The following CPEB3 variants were observed in gnomAD, a reference collection of about 807,000 sequenced individuals.
The protein encoded by CPEB3 is cytoplasmic polyadenylation element-binding protein 3.
In CPEB3, 20 loss-of-function variants were observed where a neutral mutation model predicts 67.2. The observed-to-expected ratio is 0.30, with a 90% CI of 0.21 to 0.43. CPEB3 has a LOEUF of 0.43. Ranked by LOEUF, CPEB3 falls within the 20% of genes least tolerant of loss-of-function variation. CPEB3 has a pLI of 1.00. For missense variants in CPEB3, 746 were observed against 968.6 expected (o/e 0.77, Z 3.05); for synonymous variants, 376 against 393.1 (o/e 0.96, Z 0.51).
Position 92,061,880 on chromosome 10 carries a change from A to C in CPEB3, c.1870-9441T>G, listed in dbSNP as rs576188647. 9.8e-4 allele frequency among the ~76,000 whole-genome samples: 150 copies of C among 152,348 alleles called. 1 individual carries two copies. The Middle Eastern group carries it at 0.02, about 21-fold the overall frequency. On this transcript the variant is annotated intron_variant, in intron 9 of 9. Transcript: ENST00000265997. ...AAATGTTTGAGGGGATGGATACCCC[A>C]TTCTCCATGATGTGCTTATTTCACA...
chr10:92,258,831 G>A (rs1852660610), intron 1 of CPEB3, among the ~76,000 whole-genome samples: 1 of 150,898 alleles, frequency 6.6e-6, no homozygotes, highest in East Asian at 2.0e-4. Flanking sequence ...TAATTTTTTT[G>A]TATTTTTAGT....
chr10:92,234,173 A>AT (rs1044083941), intron 2 of CPEB3, among the ~76,000 whole-genome samples: 7 of 150,538 alleles, frequency 4.6e-5, no homozygotes, highest in African/African-American at 7.3e-5. Context: ...GAATAATTTG[A>AT]TTTTTTTTTC....
intron 9 of CPEB3, among the ~76,000 whole-genome samples, chr10:92,062,647 C>G (rs1327155444): frequency 6.6e-6 from 1 of 152,222 alleles, no homozygotes; most frequent in Non-Finnish European, 1.5e-5. Flanking sequence ...CCCATCTATA[C>G]TATTACCTAA....
chr10:92,248,686 C>T (rs1010816967), intron 1 of CPEB3, among the ~76,000 whole-genome samples: 3 of 151,994 alleles, frequency 2.0e-5, no homozygotes, highest in Admixed American at 6.6e-5. Context: ...AATAGAAAAC[C>T]ATTTTGGCTT....
chr10:92,063,705 A>T (rs1169769807), intron 9 of CPEB3, among the ~76,000 whole-genome samples: 1 of 152,006 alleles, frequency 6.6e-6, no homozygotes, highest in Non-Finnish European at 1.5e-5. Flanking sequence ...CAGAGGTTGC[A>T]GTGAGCCAAG....
intron 3 of CPEB3, among the ~76,000 whole-genome samples, chr10:92,191,662 A>T (rs1848992401): frequency 6.6e-6 from 1 of 152,224 alleles, no homozygotes; most frequent in Non-Finnish European, 1.5e-5. Context: ...ATAATGGTTC[A>T]TACAAGATGG....
intron 8 of CPEB3, among the ~76,000 whole-genome samples, chr10:92,088,416 A>G (rs542606342): frequency 3.6e-4 from 54 of 152,066 alleles, no homozygotes; most frequent in Non-Finnish European, 6.0e-4. Flanking sequence ...TTGTAGAGAC[A>G]GGGTTTCACC....
rs552602288 is a variant in CPEB3 at position 92,120,679 on chromosome 10, G to A, written c.1454-9485C>T. 3.3e-5 allele frequency among the ~76,000 whole-genome samples: 5 copies of A among 152,262 alleles called. No individual in the cohort carries two copies. In the East Asian group the frequency reaches 9.6e-4, roughly 29 times the overall value. The stretch of plus-strand genomic sequence containing the variant: ...TTCTTGTTCTCAGGAGATATGTGCT[G>A]AAATATTTAGGAATGAGAGTCTACA... On this transcript the variant is annotated intron_variant, in intron 6 of 9. Coordinates refer to ENST00000265997, the MANE Select transcript of CPEB3 (RefSeq NM_014912.5).
intron 8 of CPEB3, among the ~76,000 whole-genome samples, chr10:92,091,462 TA>T (rs539990313): frequency 2.0e-4 from 29 of 145,460 alleles, no homozygotes; most frequent in African/African-American, 1.5e-4. Context: ...GAAAGGAACT[TA>T]AAAAAAAAAA....
chr10:92,216,715 G>A, intron 2 of CPEB3: 1 of 1,606,570 alleles, frequency 6.2e-7, no homozygotes, highest in East Asian at 2.2e-5. Context: ...GTGTGATAAT[G>A]GTCAAGCCCC....
chr10:92,090,243 A>G (rs1443441762), intron 8 of CPEB3, among the ~76,000 whole-genome samples: 1 of 152,240 alleles, frequency 6.6e-6, no homozygotes, highest in Non-Finnish European at 1.5e-5. Flanking sequence ...GGGCTAGAAC[A>G]TAAAAACTAA....
chr10:92,093,442 T>C (rs1843707759), intron 7 of CPEB3, among the ~76,000 whole-genome samples: 1 of 152,154 alleles, frequency 6.6e-6, no homozygotes, highest in Admixed American at 6.5e-5. Context: ...CTGTGGCAAT[T>C]ATACTTTCAA....
intron 3 of CPEB3, among the ~76,000 whole-genome samples, chr10:92,190,127 A>T (rs1265668310): frequency 1.3e-5 from 2 of 151,878 alleles, no homozygotes; most frequent in African/African-American, 2.4e-5. Flanking sequence ...AAAATACAAA[A>T]ATTAGCTGGT....
chr10:92,207,191 C>G (rs1031502103), intron 2 of CPEB3, among the ~76,000 whole-genome samples: 1 of 152,120 alleles, frequency 6.6e-6, no homozygotes, highest in African/African-American at 2.4e-5. Context: ...CCATGTTGCT[C>G]AGGCTGGTCT....
chr10:92,112,126 C>CTTTTTTT (rs201432910), intron 6 of CPEB3, among the ~76,000 whole-genome samples: 15 of 122,060 alleles, frequency 1.2e-4, no homozygotes, highest in South Asian at 6.5e-4. Flanking sequence ...GACCACGTTC[C>CTTTTTTT]TTTTTTTTTT....
rs145181741 is a variant in CPEB3 at position 92,184,226 on chromosome 10, T to C, written c.1166-3207A>G. 2.3e-3 allele frequency among the ~76,000 whole-genome samples: 349 copies of C among 152,334 alleles called. 1 individual carries two copies. Among genetic ancestry groups the C allele is most frequent in the African/African-American group, 7.3e-3 (304 of 41,586 alleles). On this transcript the variant is annotated intron_variant, in intron 3 of 9. Coordinates refer to ENST00000265997, the MANE Select transcript of CPEB3 (RefSeq NM_014912.5). Reference sequence around the variant, plus strand: ...TAATTGGTGAAAAGCAGAACACTTTTTACCTTTCTTGGTATTCTCTCTAAT... The same window carrying C: ...TAATTGGTGAAAAGCAGAACACTTTCTACCTTTCTTGGTATTCTCTCTAAT...
At chr10:92,129,963 G>A (rs910976378) in intron 6 of CPEB3, among the ~76,000 whole-genome samples, 1 of 152,084 alleles carries the variant, frequency 6.6e-6, no homozygotes, top group African/African-American at 2.4e-5. Context: ...CTTGAGCCCT[G>A]GAAGTCAAGG....
Position 92,050,797 on chromosome 10 carries a change from T to C in CPEB3, c.*1415A>G, listed in dbSNP as rs1374558742. ...TTGTCAATCTGACAACTTATCTCTA[T>C]ATCCTGTATATATTCTTAGTGTTTG... On this transcript the variant is annotated 3_prime_UTR_variant, in exon 10 of 10. Transcript: ENST00000265997. The C allele has an allele frequency of 3.3e-5, 5 of 152,686 alleles. No homozygotes were observed. Among genetic ancestry groups the C allele is most frequent in the African/African-American group, 1.2e-4 (5 of 41,472 alleles). The allele number at this position is 152,686 out of a possible 1,614,324, so 9.5% of individuals were successfully genotyped here. A position where few individuals can be genotyped will look rare whatever the true frequency, so the allele number is the denominator to read the frequency against.
At chr10:92,226,815 G>A (rs1850997704) in intron 2 of CPEB3, among the ~76,000 whole-genome samples, 1 of 151,546 alleles carries the variant, frequency 6.6e-6, no homozygotes. Flanking sequence ...GAGACCTGCA[G>A]GAGGGGCCAG....
Sources: allele counts gnomAD v4.1 joint callset (sites outside exome capture counted in the v4.1 genomes callset), GRCh38; gene constraint gnomAD v4.1.1; transcripts MANE v1.5; gene names NCBI Gene and HGNC (gene_info 2026-07-23, HGNC 2026-07-21).